TJP1: variants seen among roughly 807,000 people sequenced by gnomAD.
TJP1 encodes the protein tight junction protein ZO-1.
Under a neutral mutation model 194.2 loss-of-function variants are expected in TJP1, and 43 were observed. That is an observed-to-expected ratio of 0.22 (90% CI 0.17 to 0.29). TJP1 has a LOEUF of 0.29. Among genes scored for constraint, TJP1 ranks in the 10% least tolerant of loss-of-function variants. The pLI is 1.00. For missense variants in TJP1, 1,971 were observed against 2,185.7 expected, an observed-to-expected ratio of 0.90 and a Z score of 1.96; for synonymous variants, 801 against 779.0, an observed-to-expected ratio of 1.03 and a Z score of -0.47.
At position 29,810,250 on chromosome 15, in the gene TJP1, G is replaced by A. The variant is rs565901412; in HGVS notation, c.28-9548C>T. 2.0e-4 allele frequency among the ~76,000 whole-genome samples: 30 copies of A among 152,306 alleles called. No homozygotes were observed. In the South Asian group the frequency reaches 6.2e-3, roughly 32 times the overall value. The stretch of plus-strand genomic sequence containing the variant: ...AAGTATAGATGAAATGAGACTGGCT[G>A]TAAGTTGTTAACCATACTGGGTGAC... On this transcript the variant is annotated intron_variant, in intron 1 of 27. Transcript: ENST00000614355.
At chr15:29,805,929 G>A (rs1008887950) in intron 1 of TJP1, among the ~76,000 whole-genome samples, 1 of 152,150 alleles carries the variant, frequency 6.6e-6, no homozygotes, top group African/African-American at 2.4e-5. Context: ...TACACATGAC[G>A]CTGGCTTTGA....
chr15:29,703,255 G>C lies in TJP1; in HGVS notation c.5212+907C>G, dbSNP rs577058131. On this transcript the variant is annotated intron_variant, in intron 27 of 27. Transcript: ENST00000614355. ...CACTTTAAGTCAGGAGTTCGAACCA[G>C]CCTGGCCAACATGGTGAAACCCCGT... Among the ~76,000 whole-genome samples, 7 of 152,186 alleles carry C rather than the reference G, an allele frequency of 4.6e-5. No homozygotes were observed. The South Asian group carries it at 1.4e-3, about 32-fold the overall frequency.
chr15:29,768,708 GA>G (rs1362997734), intron 4 of TJP1, among the ~76,000 whole-genome samples: 1 of 152,122 alleles, frequency 6.6e-6, no homozygotes, highest in Non-Finnish European at 1.5e-5. Flanking sequence ...TTAACTTATT[GA>G]AAGGTAACCA....
chr15:29,944,748 A>T (rs1220109805), intron 2 of TJP1, among the ~76,000 whole-genome samples: 1 of 152,212 alleles, frequency 6.6e-6, no homozygotes, highest in African/African-American at 2.4e-5. Context: ...AGCTTCTGTC[A>T]TTATGAATTC....
At chr15:29,839,059 T>C (rs962733846) in intron 2 of TJP1, among the ~76,000 whole-genome samples, 38 of 126,524 alleles carry the variant, frequency 3.0e-4, no homozygotes, top group African/African-American at 1.0e-3. Context: ...AGTGCAGTGG[T>C]GCCATCTCGG....
chr15:29,788,029 C>G (rs1216404588), intron 2 of TJP1, among the ~76,000 whole-genome samples: 1 of 152,162 alleles, frequency 6.6e-6, no homozygotes, highest in Non-Finnish European at 1.5e-5. Flanking sequence ...GGGTATTTCA[C>G]TATACTTTTT....
intron 1 of TJP1, among the ~76,000 whole-genome samples, chr15:29,815,650 T>C (rs1363550900): frequency 6.6e-6 from 1 of 152,222 alleles, no homozygotes; most frequent in Non-Finnish European, 1.5e-5. Flanking sequence ...CTCATGGTCT[T>C]TCAGTAAGGT....
chr15:29,884,344 C>T (rs1419115110), intron 2 of TJP1, among the ~76,000 whole-genome samples: 3 of 152,152 alleles, frequency 2.0e-5, no homozygotes. Context: ...GGCTGTCAGC[C>T]CCACACCAGG....
In TJP1 at chr15:29,718,454, A is replaced by G; in HGVS notation, c.3688T>C (p.Ser1230Pro). 1 of 1,614,130 alleles carries G rather than the reference A, an allele frequency of 6.2e-7. No individual in the cohort carries two copies. The highest frequency in any genetic ancestry group is 8.5e-7 in the Non-Finnish European group (1 of 1,180,038). The stretch of plus-strand genomic sequence containing the variant: ...GGCAGAGCTTCTGGCTTATGCTGAG[A>G]TGAAGGTATCAGCGGAGGGACAGCT... ...AAAVPPLIPS[S>P]QHKPEALPSN... is the part of the protein sequence containing the mutation. The change falls in exon 21 of 28, where the codon TCT becomes CCT. Residue 1230 changes from serine (S) to proline (P), a missense_variant. By Grantham distance (74) the Ser-to-Pro change is moderately conservative. Transcript: ENST00000614355.
chr15:29,792,942 G>A (rs960919909), intron 2 of TJP1, among the ~76,000 whole-genome samples: 17 of 152,180 alleles, frequency 1.1e-4, no homozygotes, highest in Admixed American at 7.2e-4. Flanking sequence ...CAGAAATGCT[G>A]CTGATTTTTA....
chr15:29,872,386 G>A (rs1478883234), intron 2 of TJP1, among the ~76,000 whole-genome samples: 1 of 152,098 alleles, frequency 6.6e-6, no homozygotes, highest in African/African-American at 2.4e-5. Context: ...GCACAGACTA[G>A]AACAGAAAAT....
intron 2 of TJP1, among the ~76,000 whole-genome samples, chr15:29,924,155 C>T (rs1280294414): frequency 6.6e-6 from 1 of 152,188 alleles, no homozygotes; most frequent in Non-Finnish European, 1.5e-5. Flanking sequence ...CTCACTTCAG[C>T]CTCAACCTCT....
At chr15:29,843,632 T>C (rs774624186) in intron 2 of TJP1, among the ~76,000 whole-genome samples, 4 of 152,126 alleles carry the variant, frequency 2.6e-5, no homozygotes, top group African/African-American at 4.8e-5. Flanking sequence ...ACAGCTTCCA[T>C]TGTACTAGAA....
intron 2 of TJP1, among the ~76,000 whole-genome samples, chr15:29,776,771 A>C (rs2047039771): frequency 6.6e-6 from 1 of 152,196 alleles, no homozygotes. Flanking sequence ...TAATATCACT[A>C]TCAAGGTTAT....
chr15:29,710,775 A>G, intron 24 of TJP1, 56 bp downstream of exon 24: 1 of 1,607,818 alleles, frequency 6.2e-7, no homozygotes, highest in South Asian at 1.1e-5. Flanking sequence ...AGAAACCACC[A>G]GAATTTTACT....
intron 2 of TJP1, among the ~76,000 whole-genome samples, chr15:29,948,944 A>T (rs113321930): frequency 0.046 from 5,933 of 128,604 alleles, 381 homozygotes; most frequent in African/African-American, 0.16. Flanking sequence ...TCCTCTTCCA[A>T]CTCCACCACC....
At chr15:29,923,848 TC>T in intron 2 of TJP1, among the ~76,000 whole-genome samples, 1 of 152,282 alleles carries the variant, frequency 6.6e-6, no homozygotes, top group East Asian at 1.9e-4. Context: ...CCAAAAGCTC[TC>T]CCATATGTGG....
Position 29,705,519 on chromosome 15 carries a change from C to T in TJP1, c.5068+9G>A, listed in dbSNP as rs1342459251. ...TATCAAAACTAAGGAGAAAAATAAA[C>T]ACATTTACCTTTCTCTTTATCTAAA... On this transcript the variant is annotated intron_variant, in intron 26 of 27. Transcript: ENST00000614355. 1.9e-6 allele frequency: 3 copies of T among 1,613,394 alleles called. No individual in the cohort carries two copies. Among genetic ancestry groups the T allele is most frequent in the Non-Finnish European group, 1.7e-6 (2 of 1,179,598 alleles).
At chr15:29,739,588 C>G (rs973801717) in intron 10 of TJP1, among the ~76,000 whole-genome samples, 1 of 151,836 alleles carries the variant, frequency 6.6e-6, no homozygotes, top group Admixed American at 6.6e-5. Context: ...GGACTACAGG[C>G]GCCCGCCACC....
Sources: gnomAD v4.1 joint callset for allele counts (sites outside exome capture counted in the v4.1 genomes callset) on GRCh38, gnomAD v4.1.1 for gene constraint, MANE v1.5 for transcripts, NCBI Gene and HGNC (gene_info 2026-07-23, HGNC 2026-07-21) for gene names.